The following ITIH4 variants were observed in gnomAD, a reference collection of about 807,000 sequenced individuals.
ITIH4 encodes the protein inter-alpha-trypsin inhibitor heavy chain 4.
ITIH4 carries 79 observed loss-of-function variants against 111.8 expected under a neutral mutation model. That is an observed-to-expected ratio of 0.71 (90% CI 0.59 to 0.85). The LOEUF is 0.85. ITIH4 is among the 40% of genes least tolerant of loss of function. The probability of loss-of-function intolerance (pLI) is 0.00; values close to 1 mark genes in which losing one functional copy is unlikely to be tolerated. For missense variants in ITIH4, 1,065 were observed against 1,195.8 expected, an observed-to-expected ratio of 0.89 and a Z score of 1.61; for synonymous variants, 472 against 468.3, an observed-to-expected ratio of 1.01 and a Z score of -0.10.
chr3:52,821,787 G>A (rs544129702), intron 11 of ITIH4, among the ~76,000 whole-genome samples: 29 of 152,272 alleles, frequency 1.9e-4, no homozygotes, highest in South Asian at 4.1e-4. Flanking sequence ...GGGCTCCTAG[G>A]GCAGAGGAAT....
rs1233323051 is a variant in ITIH4 at position 52,817,018 on chromosome 3, C to G, written c.2337G>C (p.Gly779=). ...TGAAGGTCACTTCGATCCATGAGAACCCAGCCTTCTCCCTCTCATACTGGC... is the reference window on the plus strand; with the variant it reads ...TGAAGGTCACTTCGATCCATGAGAAGCCAGCCTTCTCCCTCTCATACTGGC... The part of the protein sequence containing the change: ...VTGQYEREKA[G]FSWIEVTFKN... Residue 779 remains glycine, a synonymous_variant, in exon 21 of 24, where the codon GGG becomes GGC. Coordinates refer to ENST00000266041, the MANE Select transcript of ITIH4 (RefSeq NM_002218.5). The G allele has an allele frequency of 6.2e-7, 1 of 1,613,980 alleles. No individual in the cohort carries two copies. Among genetic ancestry groups the G allele is most frequent in the Admixed American group, 1.7e-5 (1 of 60,018 alleles).
rs2154110999 is a variant in ITIH4 at position 52,813,468 on chromosome 3, C to T, written c.2746G>A (p.Glu916Lys). Reference protein sequence around the residue: ...ATRERRLDYQEGPPGVEISCW... With the variant: ...ATRERRLDYQKGPPGVEISCW... ...GAAATCTCCACTCCCGGGGGCCCCT[C>T]CTGGTAATCCAGCCTGCGCTCTCTG... Residue 916 changes from glutamate (E) to lysine (K), a missense_variant, in exon 24 of 24, where the codon GAG becomes AAG. Transcript: ENST00000266041. 1.2e-6 allele frequency: 2 copies of T among 1,614,044 alleles called. No homozygotes were observed. Among genetic ancestry groups the T allele is most frequent in the East Asian group, 2.2e-5 (1 of 44,886 alleles).
intron 22 of ITIH4, 41 bp downstream of exon 22, chr3:52,814,168 G>A (rs370391948): frequency 1.9e-6 from 3 of 1,607,550 alleles, no homozygotes; most frequent in African/African-American, 1.3e-5. Flanking sequence ...AGCACAGCTG[G>A]TTTCTGAGGA....
Position 52,824,135 on chromosome 3 carries a change from G to T in ITIH4, c.1171+55C>A. The T allele has an allele frequency of 6.3e-7, 1 of 1,597,914 alleles. No individual in the cohort carries two copies. ...AGATCCCACAGCAAGCCCAGGTGCA[G>T]CCCCAGCCGCCTCCCCTGTGCAGCA... On this transcript the variant is annotated intron_variant, in intron 9 of 23. Transcript: ENST00000266041. This position sits in a 1 kb window ranked among gnomAD's most constrained non-coding sequence, Gnocchi z 4.3.
chr3:52,820,643 G>A lies in ITIH4; in HGVS notation c.1822C>T (p.Pro608Ser), dbSNP rs886304184. The A allele has an allele frequency of 6.2e-7, 1 of 1,610,588 alleles. No homozygotes were observed. The highest frequency in any genetic ancestry group is 8.5e-7 in the Non-Finnish European group (1 of 1,178,004). ...ACCCCACACCCACCGCCTTCCATGGGCTTCTCAGCAACTTGAGACTGCTCT... is the reference window on the plus strand; with the variant it reads ...ACCCCACACCCACCGCCTTCCATGGACTTCTCAGCAACTTGAGACTGCTCT... ...DQEQSQVAEK[P>S]MEGESRNRNV... The change falls in exon 13 of 24, where the codon CCC (proline) becomes TCC (serine). Residue 608 changes from proline to serine, a missense_variant. Transcript: ENST00000266041.
intron 13 of ITIH4, 107 bp from the exon 14 acceptor site, chr3:52,820,424 C>A: frequency 7.7e-7 from 1 of 1,290,894 alleles, no homozygotes; most frequent in Non-Finnish European, 1.1e-6. Context: ...TCTTGCTACC[C>A]AATCCTGGAC....
At chr3:52,825,531 G>A (rs1393343203) in intron 6 of ITIH4, among the ~76,000 whole-genome samples, 3 of 152,102 alleles carry the variant, frequency 2.0e-5, no homozygotes, top group Admixed American at 6.5e-5. Context: ...CTGGGAGTTT[G>A]ACGGTGCAGT....
At chr3:52,819,626 CCT>C in intron 16 of ITIH4, 108 bp from the exon 17 acceptor site, 1 of 1,578,792 alleles carries the variant, frequency 6.3e-7, no homozygotes, top group Non-Finnish European at 8.7e-7. Flanking sequence ...AGCTATGTCC[CCT>C]CTCCCCACAC....
rs774903121 is a variant in ITIH4, at chr3:52,826,574, T to C, written c.597A>G (p.Val199=). ...TESTFMTNQL[V]DALTTWQNKT... ...TATTCTGCCAGGTGGTGAGGGCGTC[T>C]ACCAGCTGGTTGGTCATGAAGGTGC... Residue 199 remains valine, a synonymous_variant, in exon 5 of 24, where the codon GTA becomes GTG. Coordinates refer to ENST00000266041, the MANE Select transcript of ITIH4 (RefSeq NM_002218.5). 6.2e-7 allele frequency: 1 copy of C among 1,614,108 alleles called. No individual in the cohort carries two copies. The highest frequency in any genetic ancestry group is 8.5e-7 in the Non-Finnish European group (1 of 1,179,974).
intron 15 of ITIH4, 62 bp downstream of exon 15, chr3:52,819,878 T>G: frequency 6.2e-7 from 1 of 1,605,164 alleles, no homozygotes; most frequent in Admixed American, 1.7e-5. Flanking sequence ...GGCACTACCC[T>G]CCACAGCCAG....
At position 52,827,191 on chromosome 3, in the gene ITIH4, G is replaced by A. The variant is rs200989785; in HGVS notation, c.258C>T (p.Ile86=). The change falls in exon 3 of 24, where the codon ATC becomes ATT. Residue 86 remains isoleucine, a synonymous_variant. Transcript: ENST00000266041. Reference sequence around the variant, plus strand: ...TGATCCCTGGGTAGGTCATGCCATCGATGATCCTGGGGGCAGAAGGGTGGG... The same window carrying A: ...TGATCCCTGGGTAGGTCATGCCATCAATGATCCTGGGGGCAGAAGGGTGGG... The part of the protein sequence containing the change: ...KAFITNFSMI[I]DGMTYPGIIK... 1.5e-5 allele frequency: 24 copies of A among 1,613,458 alleles called. No homozygotes were observed. The highest frequency in any genetic ancestry group is 8.9e-5 in the East Asian group (4 of 44,864).
chr3:52,829,077 C>T, intron 2 of ITIH4, 42 bp downstream of exon 2: 1 of 1,151,494 alleles, frequency 8.7e-7, no homozygotes, highest in Non-Finnish European at 1.2e-6. Context: ...AGTCATAGCA[C>T]TGGGGGGTGT....
chr3:52,817,099 C>A (rs753021535), intron 20 of ITIH4, 41 bp from the exon 21 acceptor site: 2 of 1,576,786 alleles, frequency 1.3e-6, no homozygotes, highest in East Asian at 2.3e-5. Context: ...TGGGCCCCAG[C>A]CAGGTCTGAC....
At position 52,813,359 on chromosome 3, in the gene ITIH4, C is replaced by T. The variant is rs376047279; in HGVS notation, c.*62G>A. Reference sequence around the variant, plus strand: ...CCCATGGTGGTCCAGGCCCCAGAAGCGGCCCTGCAGTTGCAGGGGGAAGCC... The same window carrying T: ...CCCATGGTGGTCCAGGCCCCAGAAGTGGCCCTGCAGTTGCAGGGGGAAGCC... On this transcript the variant is annotated 3_prime_UTR_variant, in exon 24 of 24. Transcript: ENST00000266041. 2.9e-5 allele frequency: 40 copies of T among 1,382,966 alleles called. No individual in the cohort carries two copies. The African/African-American group carries it at 3.0e-4, about 10-fold the overall frequency. 85.7% of individuals were successfully genotyped at this position (1,382,966 alleles called of 1,614,324 possible).
At chr3:52,816,452 C>T (rs1394388674) in intron 21 of ITIH4, among the ~76,000 whole-genome samples, 1 of 152,220 alleles carries the variant, frequency 6.6e-6, no homozygotes, top group Non-Finnish European at 1.5e-5. Context: ...GTAGGCAGCG[C>T]TGTCCTGTGG....
At position 52,830,595 on chromosome 3, in the gene ITIH4, C is replaced by G. The variant is rs1700553369; in HGVS notation, c.48G>C (p.Leu16=). The change falls in exon 1 of 24, where the codon CTG becomes CTC. Residue 16 remains leucine (L), a synonymous_variant. Transcript: ENST00000266041. ...PVRTCSKVLV[L]LSLLAIHQTT... is the part of the protein sequence containing the mutation. ...TCTGGTGGATGGCCAGCAGTGAAAGCAGGACGAGAACTTTGCTGCAGGTAC... is the reference window on the plus strand; with the variant it reads ...TCTGGTGGATGGCCAGCAGTGAAAGGAGGACGAGAACTTTGCTGCAGGTAC... 1.2e-6 allele frequency: 2 copies of G among 1,614,160 alleles called. No homozygotes were observed.
rs1449507514 is a variant in ITIH4 at position 52,818,443 on chromosome 3, C to A, written c.2152+19G>T. ...CCAGGATCCCCCTGTTAGGACAGGGCCTCTGGCCTTGGGGGCACCTTCGAT... is the reference window on the plus strand; with the variant it reads ...CCAGGATCCCCCTGTTAGGACAGGGACTCTGGCCTTGGGGGCACCTTCGAT... On this transcript the variant is annotated intron_variant, in intron 18 of 23. Coordinates refer to ENST00000266041, the MANE Select transcript of ITIH4 (RefSeq NM_002218.5). The A allele has an allele frequency of 1.3e-6, 2 of 1,593,752 alleles. No individual in the cohort carries two copies. Among genetic ancestry groups the A allele is most frequent in the South Asian group, 2.3e-5 (2 of 88,630 alleles).
intron 5 of ITIH4, 115 bp from the exon 6 acceptor site, chr3:52,826,129 G>A (rs1034392164): frequency 2.4e-5 from 33 of 1,390,424 alleles, no homozygotes; most frequent in African/African-American, 7.2e-5. Flanking sequence ...CCTTGGGTCC[G>A]TATTCCAGGG....
chr3:52,828,037 TG>T (rs1209996765), intron 2 of ITIH4, among the ~76,000 whole-genome samples: 1 of 152,106 alleles, frequency 6.6e-6, no homozygotes, highest in East Asian at 1.9e-4. Flanking sequence ...TAGCCCGGGA[TG>T]GGGCTGGTGA....
Sources: gnomAD v4.1 joint callset for allele counts (sites outside exome capture counted in the v4.1 genomes callset) on GRCh38, gnomAD v4.1.1 for gene constraint, Gnocchi (gnomAD v3.1) non-coding constraint, MANE v1.5 for transcripts, NCBI Gene and HGNC (gene_info 2026-07-23, HGNC 2026-07-21) for gene names.